The following TRMT9B variants were observed in gnomAD, a reference collection of about 807,000 sequenced individuals.
The protein encoded by TRMT9B is tRNA methyltransferase 9B (putative).
A neutral mutation model predicts 11.5 loss-of-function variants in TRMT9B; 16 were observed. That is an observed-to-expected ratio of 1.39 (90% confidence interval 0.94 to 2.11). The LOEUF (loss-of-function observed/expected upper bound fraction) is 2.11. TRMT9B is among the 30% of genes most tolerant of loss of function. The pLI is 0.00. For synonymous variants in TRMT9B, 274 were observed against 192.4 expected, an observed-to-expected ratio of 1.42 and a Z score of -3.51; for missense variants, 941 against 553.8, an observed-to-expected ratio of 1.70 and a Z score of -7.02.
intron 1 of TRMT9B, among the ~76,000 whole-genome samples, chr8:12,958,932 C>A (rs569396176): frequency 6.6e-6 from 1 of 151,900 alleles, no homozygotes; most frequent in Non-Finnish European, 1.5e-5. Flanking sequence ...CATCACACAC[C>A]GGGGCTTGTC....
At chr8:12,952,556 C>T (rs1800770386) in intron 1 of TRMT9B, 2 of 262,382 alleles carry the variant, frequency 7.6e-6, no homozygotes, top group Non-Finnish European at 1.2e-5. Flanking sequence ...AAAGTGGATT[C>T]GTATTTTTTC....
rs1352904041 is a variant in TRMT9B, at chr8:13,025,882, C to G, written c.*3838C>G. The G allele has an allele frequency of 6.0e-6, 1 of 166,688 alleles. No homozygotes were observed. Among genetic ancestry groups the G allele is most frequent in the Non-Finnish European group, 1.5e-5 (1 of 68,110 alleles). The allele number at this position is 166,688 out of a possible 1,614,324, so 10.3% of individuals were successfully genotyped here. On this transcript the variant is annotated 3_prime_UTR_variant, in exon 5 of 5. Coordinates refer to ENST00000524591, the MANE Select transcript of TRMT9B (RefSeq NM_020844.3). The stretch of plus-strand genomic sequence containing the variant: ...AGTAATTCCTCTGTCTTTTAAGTGA[C>G]CATCAATTCAATAGGCAAAAATTTG...
intron 2 of TRMT9B, among the ~76,000 whole-genome samples, chr8:13,002,310 G>C (rs1809590946): frequency 6.6e-6 from 1 of 152,168 alleles, no homozygotes; most frequent in Non-Finnish European, 1.5e-5. Context: ...TTGTTCTAGT[G>C]TTCTCTAAAA....
chr8:13,017,250 G>T (rs1057466791), intron 4 of TRMT9B, among the ~76,000 whole-genome samples: 2 of 152,168 alleles, frequency 1.3e-5, no homozygotes, highest in Non-Finnish European at 2.9e-5. Flanking sequence ...CACTTGAAAA[G>T]TTAAATGTCA....
At chr8:12,952,621 A>G in intron 1 of TRMT9B, 1 of 931,304 alleles carries the variant, frequency 1.1e-6, no homozygotes, top group Non-Finnish European at 1.3e-6. Flanking sequence ...AGTAAGAGGC[A>G]AAGAACTAAG....
chr8:12,964,408 C>T (rs747260811), intron 1 of TRMT9B, among the ~76,000 whole-genome samples: 5 of 152,074 alleles, frequency 3.3e-5, no homozygotes, highest in Non-Finnish European at 4.4e-5. Flanking sequence ...AACTTCATGT[C>T]GAATGCTTTG....
At chr8:12,988,126 C>A (rs182533560) in intron 1 of TRMT9B, among the ~76,000 whole-genome samples, 1 of 152,118 alleles carries the variant, frequency 6.6e-6, no homozygotes, top group African/African-American at 2.4e-5. Context: ...TTTCATATGC[C>A]TGGAATCACC....
chr8:13,016,044 G>C (rs1812589237), intron 4 of TRMT9B, among the ~76,000 whole-genome samples: 1 of 150,466 alleles, frequency 6.6e-6, no homozygotes, highest in South Asian at 2.1e-4. Context: ...TCAGGAGTTT[G>C]AGTCCAGCCT....
At position 13,006,250 on chromosome 8, in the gene TRMT9B, G is replaced by A. The variant is rs760632076; in HGVS notation, c.48G>A (p.Val16=). The change falls in exon 3 of 5, where the codon GTG becomes GTA. Residue 16 remains valine (V), a synonymous_variant. Coordinates refer to ENST00000524591, the MANE Select transcript of TRMT9B (RefSeq NM_020844.3). Reference sequence around the variant, plus strand: ...TGGAGAAGCAGCATGTGCACAATGTGTACGAGAGCACAGCCCCTTACTTCA... The same window carrying A: ...TGGAGAAGCAGCATGTGCACAATGTATACGAGAGCACAGCCCCTTACTTCA... ...AQLEKQHVHN[V]YESTAPYFSD... 9.9e-6 allele frequency: 16 copies of A among 1,613,990 alleles called. No individual in the cohort carries two copies. In the South Asian group the frequency reaches 1.2e-4, roughly 12 times the overall value.
rs148891670 is a variant in TRMT9B at position 13,010,870 on chromosome 8, A to T, written c.155-1814A>T. On this transcript the variant is annotated intron_variant, in intron 3 of 4. Coordinates refer to ENST00000524591, the MANE Select transcript of TRMT9B (RefSeq NM_020844.3). Reference sequence around the variant, plus strand: ...TTTCCCCATGATTGCCTTCAAACAGAGGGTACTTTTTCTCATAATCATTAT... The same window carrying T: ...TTTCCCCATGATTGCCTTCAAACAGTGGGTACTTTTTCTCATAATCATTAT... The T allele has an allele frequency of 7.2e-3, 7,045 of 976,460 alleles. 37 individuals are homozygous for T. The highest frequency in any genetic ancestry group is 0.018 in the East Asian group (154 of 8,784). 60.5% of individuals were successfully genotyped at this position (976,460 alleles called of 1,614,324 possible). A position where few individuals can be genotyped will look rare whatever the true frequency, so the allele number is the denominator to read the frequency against.
intron 4 of TRMT9B, among the ~76,000 whole-genome samples, chr8:13,013,451 C>T (rs993725470): frequency 2.6e-5 from 4 of 152,018 alleles, no homozygotes; most frequent in African/African-American, 9.7e-5. Context: ...ACAAGTGTGA[C>T]CAGAAAACAC....
At chr8:12,954,202 G>A (rs909735773) in intron 1 of TRMT9B, among the ~76,000 whole-genome samples, 2 of 152,174 alleles carry the variant, frequency 1.3e-5, no homozygotes, top group African/African-American at 4.8e-5. Context: ...ATCTCTGACA[G>A]CGAAATCTTA....
intron 1 of TRMT9B, among the ~76,000 whole-genome samples, chr8:12,962,925 A>G (rs1052606314): frequency 2.0e-5 from 3 of 152,196 alleles, no homozygotes; most frequent in African/African-American, 4.8e-5. Context: ...TGTTTGTGCT[A>G]TAGACGAGGT....
At chr8:13,015,161 T>G (rs1325401902) in intron 4 of TRMT9B, among the ~76,000 whole-genome samples, 8 of 152,166 alleles carry the variant, frequency 5.3e-5, no homozygotes, top group Non-Finnish European at 8.8e-5. Flanking sequence ...CTCATTTTAT[T>G]TTTTATTTTT....
chr8:12,962,870 C>T (rs569312726), intron 1 of TRMT9B, among the ~76,000 whole-genome samples: 2 of 152,268 alleles, frequency 1.3e-5, no homozygotes, highest in South Asian at 4.1e-4. Context: ...AGAAATCCTA[C>T]CACTGGCACA....
At chr8:12,963,300 G>T (rs1474188488) in intron 1 of TRMT9B, among the ~76,000 whole-genome samples, 1 of 152,114 alleles carries the variant, frequency 6.6e-6, no homozygotes, top group Non-Finnish European at 1.5e-5. Context: ...TGGTGTGGTG[G>T]CATGCGTCTG....
At chr8:12,999,251 A>G (rs1368633095) in intron 2 of TRMT9B, among the ~76,000 whole-genome samples, 2 of 149,920 alleles carry the variant, frequency 1.3e-5, no homozygotes, top group African/African-American at 4.9e-5. Context: ...GTGAGCCAAG[A>G]TCATGCCATC....
intron 1 of TRMT9B, among the ~76,000 whole-genome samples, chr8:12,953,422 T>G (rs949203800): frequency 6.6e-6 from 1 of 152,108 alleles, no homozygotes; most frequent in Non-Finnish European, 1.5e-5. Flanking sequence ...CGATCTTGGC[T>G]CAATACAACT....
chr8:12,974,254 TA>T (rs1456836440), intron 1 of TRMT9B, among the ~76,000 whole-genome samples: 4 of 152,112 alleles, frequency 2.6e-5, no homozygotes, highest in Non-Finnish European at 4.4e-5. Context: ...CCTGTCCCAT[TA>T]ACTACTGAGT....
Sources: gnomAD v4.1 joint callset for allele counts (sites outside exome capture counted in the v4.1 genomes callset) on GRCh38, gnomAD v4.1.1 for gene constraint, MANE v1.5 for transcripts, NCBI Gene and HGNC (gene_info 2026-07-23, HGNC 2026-07-21) for gene names.